The following RPH3A variants were observed in gnomAD, a reference collection of about 807,000 sequenced individuals.
The protein encoded by RPH3A is rabphilin-3A.
A neutral mutation model predicts 102.2 loss-of-function variants in RPH3A; 48 were observed. The ratio of observed to expected loss-of-function variants is 0.47; its 90% CI spans 0.37 to 0.60. The LOEUF (loss-of-function observed/expected upper bound fraction) is 0.60. Among genes scored for constraint, RPH3A ranks in the 20% least tolerant of loss-of-function variants. RPH3A has a pLI of 0.00. For synonymous variants in RPH3A, 310 were observed against 324.3 expected, an observed-to-expected ratio of 0.96 and a Z score of 0.47; for missense variants, 781 against 910.1, an observed-to-expected ratio of 0.86 and a Z score of 1.83.
chr12:112,724,661 A>G, intron 1 of RPH3A, among the ~76,000 whole-genome samples: 1 of 152,244 alleles, frequency 6.6e-6, no homozygotes, highest in Non-Finnish European at 1.5e-5. Context: ...GCACATAGCA[A>G]GTAAGCAGTA....
intron 7 of RPH3A, 68 bp downstream of exon 7, chr12:112,866,908 A>G: frequency 7.9e-7 from 1 of 1,272,504 alleles, no homozygotes; most frequent in East Asian, 2.5e-5. Flanking sequence ...GAGGTGCCTT[A>G]AGAGGTTTGT....
Position 112,890,950 on chromosome 12 carries a change from C to T in RPH3A, c.1722C>T (p.Cys574=), listed in dbSNP as rs199509912. 4.3e-5 allele frequency: 70 copies of T among 1,614,150 alleles called. No homozygotes were observed. The highest frequency in any genetic ancestry group is 4.0e-4 in the Admixed American group (24 of 60,026). The change falls in exon 19 of 22, where the codon TGC becomes TGT. Residue 574 remains cysteine, a synonymous_variant. Coordinates refer to ENST00000389385, the MANE Select transcript of RPH3A (RefSeq NM_001143854.2). ...GCCTCATTGTGGGCATCATACGCTG[C>T]GTGCACCTGGCTGCCATGGACGCTA... ...QGGLIVGIIR[C]VHLAAMDANG... is the part of the protein sequence containing the mutation.
At chr12:112,748,070 G>A (rs149408077) in intron 1 of RPH3A, among the ~76,000 whole-genome samples, 1 of 152,290 alleles carries the variant, frequency 6.6e-6, no homozygotes, top group African/African-American at 2.4e-5. Flanking sequence ...GCAGTCCAGC[G>A]TGTGCCCTGG....
rs759202700 is a variant in RPH3A at position 112,879,201 on chromosome 12, G to A, written c.1251+3G>A. On this transcript the variant is annotated splice_donor_region_variant and intron_variant, in intron 14 of 21. Transcript: ENST00000389385. ...AGTGCACCATCATTAAGGCCAAGGT[G>A]GGTGATGGGGACCATGCAGGGAACC... The A allele has an allele frequency of 5.0e-6, 8 of 1,613,016 alleles. No individual in the cohort carries two copies. The Middle Eastern group carries it at 5.0e-4, about 100-fold the overall frequency.
intron 4 of RPH3A, chr12:112,841,882 C>T (rs2042153671): frequency 4.4e-6 from 2 of 452,538 alleles, no homozygotes; most frequent in East Asian, 7.0e-5. Flanking sequence ...GTTAGTTGGT[C>T]TCTCTCTCCT....
In RPH3A at chr12:112,897,051, G is replaced by A. The variant is rs187618216; in HGVS notation, c.*271G>A. 31 of 398,070 alleles carry A rather than the reference G, an allele frequency of 7.8e-5. 1 individual carries two copies. Among genetic ancestry groups the A allele is most frequent in the South Asian group, 2.9e-4 (8 of 27,816 alleles). The allele number at this position is 398,070 out of a possible 1,614,324, so 24.7% of individuals were successfully genotyped here. On this transcript the variant is annotated 3_prime_UTR_variant, in exon 22 of 22. Transcript: ENST00000389385. ...TTGGGGAGACGTTTACAAAGAGGTT[G>A]ATCATTTAATAACCTCTCAGTTTGG...
intron 1 of RPH3A, among the ~76,000 whole-genome samples, chr12:112,692,037 A>G (rs1299049453): frequency 6.6e-6 from 1 of 152,216 alleles, no homozygotes; most frequent in African/African-American, 2.4e-5. Flanking sequence ...AATGGATGGA[A>G]CCGGAGGGTA....
chr12:112,674,838 G>A (rs1017790882), intron 1 of RPH3A, among the ~76,000 whole-genome samples: 1 of 152,138 alleles, frequency 6.6e-6, no homozygotes, highest in African/African-American at 2.4e-5. Context: ...AAAGTTATAA[G>A]CAGGGGTTTA....
chr12:112,891,938 G>A (rs904424415), intron 19 of RPH3A, among the ~76,000 whole-genome samples: 2 of 152,248 alleles, frequency 1.3e-5, no homozygotes, highest in African/African-American at 4.8e-5. Context: ...GCTGCTGGCT[G>A]TGGACTCTAA....
At chr12:112,711,750 A>C (rs938637016) in intron 1 of RPH3A, among the ~76,000 whole-genome samples, 1 of 152,230 alleles carries the variant, frequency 6.6e-6, no homozygotes, top group South Asian at 2.1e-4. Flanking sequence ...AGGAGTGATA[A>C]CCCATACTGC....
chr12:112,784,976 A>G (rs2041036295), intron 1 of RPH3A, among the ~76,000 whole-genome samples: 2 of 152,230 alleles, frequency 1.3e-5, no homozygotes, highest in Non-Finnish European at 2.9e-5. Flanking sequence ...TAATCCCAGC[A>G]CTTTGGGAGG....
At chr12:112,606,494 G>A (rs1411162229) in intron 1 of RPH3A, among the ~76,000 whole-genome samples, 2 of 152,034 alleles carry the variant, frequency 1.3e-5, no homozygotes, top group Non-Finnish European at 2.9e-5. Flanking sequence ...CAATTCTTGT[G>A]CCTCAACCTC....
intron 1 of RPH3A, among the ~76,000 whole-genome samples, chr12:112,657,804 T>C (rs2040023216): frequency 6.6e-6 from 1 of 151,060 alleles, no homozygotes; most frequent in Non-Finnish European, 1.5e-5. Flanking sequence ...GGGTAGGGAG[T>C]GCTGAGATGA....
At chr12:112,634,566 A>G (rs913436639) in intron 1 of RPH3A, among the ~76,000 whole-genome samples, 1 of 149,424 alleles carries the variant, frequency 6.7e-6, no homozygotes, top group Non-Finnish European at 1.5e-5. Flanking sequence ...AAAAAAAAAA[A>G]GGGTCACTAT....
intron 1 of RPH3A, among the ~76,000 whole-genome samples, chr12:112,649,908 C>T (rs902144147): frequency 6.6e-6 from 1 of 152,182 alleles, no homozygotes; most frequent in African/African-American, 2.4e-5. Flanking sequence ...GCGTCTCTTC[C>T]TCTTCTTATA....
intron 1 of RPH3A, among the ~76,000 whole-genome samples, chr12:112,591,076 C>T (rs2039474154): frequency 6.7e-6 from 1 of 148,580 alleles, no homozygotes; most frequent in African/African-American, 2.5e-5. Context: ...CCTCAGCCTC[C>T]TAAGTAGCTG....
At position 112,803,925 on chromosome 12, in the gene RPH3A, A is replaced by G. The variant is rs2041404717; in HGVS notation, c.-19+11662A>G. Among the ~76,000 whole-genome samples, 4 of 152,210 alleles carry G rather than the reference A, an allele frequency of 2.6e-5. No homozygotes were observed. The South Asian group carries it at 6.2e-4, about 24-fold the overall frequency. ...ACTCACCTGTAAGATGGGAATAATA[A>G]TAGTACCTCCCTCATAGAGTGGCTG... On this transcript the variant is annotated intron_variant, in intron 2 of 21. Transcript: ENST00000389385.
chr12:112,670,311 T>C (rs1298582739), intron 1 of RPH3A, among the ~76,000 whole-genome samples: 3 of 152,146 alleles, frequency 2.0e-5, no homozygotes, highest in African/African-American at 7.2e-5. Context: ...ACCTCCCAAG[T>C]TGCTGGGATT....
At chr12:112,766,096 C>G (rs529883488) in intron 1 of RPH3A, among the ~76,000 whole-genome samples, 81 of 152,242 alleles carry the variant, frequency 5.3e-4, no homozygotes, top group African/African-American at 1.9e-3. Context: ...CTCTTGCTCC[C>G]CAAGCCTACA....
Sources: gnomAD v4.1 joint callset for allele counts (sites outside exome capture counted in the v4.1 genomes callset) on GRCh38, gnomAD v4.1.1 for gene constraint, MANE v1.5 for transcripts, NCBI Gene and HGNC (gene_info 2026-07-23, HGNC 2026-07-21) for gene names.